The following CCDC149 variants were observed in gnomAD, a reference collection of about 807,000 sequenced individuals.
CCDC149 encodes the protein coiled-coil domain containing 149.
CCDC149 carries 45 observed loss-of-function variants against 59.9 expected under a neutral mutation model. The ratio of observed to expected loss-of-function variants is 0.75; its 90% CI spans 0.59 to 0.96. CCDC149 has a LOEUF of 0.96. Among genes scored for constraint, CCDC149 ranks in the 40% least tolerant of loss-of-function variants. The pLI, the probability that CCDC149 is intolerant of heterozygous loss-of-function variation, is 0.00. For synonymous variants in CCDC149, 245 were observed against 260.6 expected (o/e 0.94, Z 0.58); for missense variants, 584 against 664.7 (o/e 0.88, Z 1.33).
At chr4:24,831,689 T>C in intron 8 of CCDC149, 39 bp from the exon 9 acceptor site, 1 of 1,586,852 alleles carries the variant, frequency 6.3e-7, no homozygotes, top group South Asian at 1.1e-5. Context: ...GTCGTCATTC[T>C]TCTGAAACGC....
chr4:24,895,462 C>G (rs997474900), intron 1 of CCDC149, among the ~76,000 whole-genome samples: 3 of 152,102 alleles, frequency 2.0e-5, no homozygotes, highest in Non-Finnish European at 4.4e-5. Context: ...TTGTAGGTGG[C>G]TTTTTTTCTT....
At chr4:24,928,021 G>C (rs1006666014) in intron 1 of CCDC149, among the ~76,000 whole-genome samples, 1 of 152,152 alleles carries the variant, frequency 6.6e-6, no homozygotes, top group Non-Finnish European at 1.5e-5. Context: ...TTCTATGTCT[G>C]GTCTGGGAAT....
At chr4:24,971,418 A>G (rs538960597) in intron 1 of CCDC149, among the ~76,000 whole-genome samples, 1 of 152,330 alleles carries the variant, frequency 6.6e-6, no homozygotes, top group Admixed American at 6.5e-5. Flanking sequence ...CCAGTGCAGC[A>G]TGATTCAGCA....
At chr4:24,972,584 G>C (rs1188989850) in intron 1 of CCDC149, among the ~76,000 whole-genome samples, 1 of 152,070 alleles carries the variant, frequency 6.6e-6, no homozygotes, top group Non-Finnish European at 1.5e-5. Flanking sequence ...TAGAATTACA[G>C]ACACGAGCCA....
At chr4:24,820,159 C>G (rs1715297569) in intron 11 of CCDC149, 184 bp from the exon 12 acceptor site, 2 of 550,874 alleles carry the variant, frequency 3.6e-6, no homozygotes, top group South Asian at 2.5e-5. Context: ...AGCCCTAACC[C>G]TTGCACACAC....
intron 8 of CCDC149, among the ~76,000 whole-genome samples, chr4:24,832,262 A>G (rs1195814075): frequency 6.6e-6 from 1 of 152,248 alleles, no homozygotes; most frequent in Non-Finnish European, 1.5e-5. Flanking sequence ...CACTTAGGAT[A>G]AGGTCAAGTA....
At chr4:24,942,064 G>A (rs537932505) in intron 1 of CCDC149, among the ~76,000 whole-genome samples, 107 of 152,304 alleles carry the variant, frequency 7.0e-4, no homozygotes, top group African/African-American at 2.5e-3. Context: ...GCATCATCCT[G>A]ATACCAAAGC....
chr4:24,861,935 C>T (rs897458916), intron 3 of CCDC149, among the ~76,000 whole-genome samples: 33 of 152,088 alleles, frequency 2.2e-4, no homozygotes, highest in African/African-American at 4.8e-4. Flanking sequence ...AATCAACAAA[C>T]GCAGGAAGAA....
chr4:24,952,209 C>T (rs6825325), intron 1 of CCDC149, among the ~76,000 whole-genome samples: 2 of 152,148 alleles, frequency 1.3e-5, no homozygotes, highest in Non-Finnish European at 2.9e-5. Flanking sequence ...CTCAAACCTT[C>T]GGCTTTGTTT....
At chr4:24,908,106 A>C (rs1721644858) in intron 1 of CCDC149, among the ~76,000 whole-genome samples, 3 of 152,078 alleles carry the variant, frequency 2.0e-5, no homozygotes, top group Admixed American at 2.0e-4. Flanking sequence ...CCTACTTCCA[A>C]ATAAGGTCAC....
intron 1 of CCDC149, among the ~76,000 whole-genome samples, chr4:24,970,642 C>T (rs28835667): frequency 0.028 from 4,313 of 152,206 alleles, 187 homozygotes; most frequent in African/African-American, 0.098. Context: ...ACCAACATCA[C>T]GCCCTAATGG....
Position 24,837,336 on chromosome 4 carries a change from C to G in CCDC149, c.554G>C (p.Arg185Pro). The change falls in exon 6 of 13, where the codon CGG (arginine) becomes CCG (proline). Residue 185 changes from arginine (R) to proline (P), a missense_variant. By Grantham distance (103) the Arg-to-Pro change is moderately radical. Transcript: ENST00000635206. This position sits in a 1 kb window ranked among gnomAD's most constrained non-coding sequence, Gnocchi z 4.3. ...CTCCACTTTGTCCTGGTAGGAAGACCGTTCTTCTTTAACATCCTGAAGCTC... is the reference window on the plus strand; with the variant it reads ...CTCCACTTTGTCCTGGTAGGAAGACGGTTCTTCTTTAACATCCTGAAGCTC... 2 of 1,614,144 alleles carry G rather than the reference C, an allele frequency of 1.2e-6. No individual in the cohort carries two copies. The highest frequency in any genetic ancestry group is 1.7e-6 in the Non-Finnish European group (2 of 1,180,018).
chr4:24,888,126 A>T (rs894514800), intron 1 of CCDC149, among the ~76,000 whole-genome samples: 2 of 152,062 alleles, frequency 1.3e-5, no homozygotes, highest in Non-Finnish European at 2.9e-5. Context: ...CCACCTGCCC[A>T]CTTGTCTGAC....
At chr4:24,979,268 C>T (rs375058325) in intron 1 of CCDC149, among the ~76,000 whole-genome samples, 111 of 152,288 alleles carry the variant, frequency 7.3e-4, no homozygotes, top group African/African-American at 2.2e-3. Flanking sequence ...GTATTTCCAG[C>T]TTGGGTGTAC....
intron 1 of CCDC149, among the ~76,000 whole-genome samples, chr4:24,955,795 A>T (rs12639679): frequency 0.18 from 26,931 of 152,088 alleles, 3,209 homozygotes; most frequent in African/African-American, 0.33. Flanking sequence ...AGTGATGGAG[A>T]TATGGTGGCA....
At chr4:24,809,799 A>C (rs916390955) in intron 12 of CCDC149, among the ~76,000 whole-genome samples, 5 of 152,210 alleles carry the variant, frequency 3.3e-5, no homozygotes, top group African/African-American at 1.2e-4. Flanking sequence ...ACCACAGCAG[A>C]ACCCTGCTGT....
chr4:24,822,399 T>G, intron 10 of CCDC149, 98 bp downstream of exon 10: 1 of 686,632 alleles, frequency 1.5e-6, no homozygotes, highest in Non-Finnish European at 2.3e-6. Flanking sequence ...AAAAGGACAT[T>G]AAAGAGGTAG....
intron 1 of CCDC149, among the ~76,000 whole-genome samples, chr4:24,923,824 C>T (rs1722366091): frequency 6.6e-6 from 1 of 152,212 alleles, no homozygotes; most frequent in Admixed American, 6.5e-5. Context: ...CCCAAATATA[C>T]AGTGGCTTGA....
intron 1 of CCDC149, among the ~76,000 whole-genome samples, chr4:24,925,456 T>C (rs1722412448): frequency 6.6e-6 from 1 of 152,256 alleles, no homozygotes; most frequent in African/African-American, 2.4e-5. Context: ...TCTCTGTTCC[T>C]GTCCATCAAA....
Sources: allele counts gnomAD v4.1 joint callset (sites outside exome capture counted in the v4.1 genomes callset), GRCh38; gene constraint gnomAD v4.1.1; non-coding constraint Gnocchi (gnomAD v3.1); transcripts MANE v1.5; gene names NCBI Gene and HGNC (gene_info 2026-07-23, HGNC 2026-07-21).